Variants in KCNJ6 observed in about 807,000 individuals in gnomAD.
KCNJ6 encodes the protein G protein-activated inward rectifier potassium channel 2.
KCNJ6 carries 9 observed loss-of-function variants against 34.2 expected under a neutral mutation model. The observed-to-expected ratio is 0.26, with a 90% CI of 0.16 to 0.46. The LOEUF is 0.46. Ranked by LOEUF, KCNJ6 falls within the 20% of genes least tolerant of loss-of-function variation. KCNJ6 has a pLI of 1.00. For synonymous variants in KCNJ6, 196 were observed against 207.1 expected (o/e 0.95, Z 0.46); for missense variants, 236 against 531.3 (o/e 0.44, Z 5.46).
At chr21:37,812,834 C>T (rs2055329462) in intron 2 of KCNJ6, among the ~76,000 whole-genome samples, 1 of 152,128 alleles carries the variant, frequency 6.6e-6, no homozygotes, top group Non-Finnish European at 1.5e-5. Flanking sequence ...AACTGAAAGC[C>T]TTTCCTCTAA....
chr21:37,887,014 A>C (rs1253424290), intron 1 of KCNJ6, among the ~76,000 whole-genome samples: 1 of 124,762 alleles, frequency 8.0e-6, no homozygotes, highest in Admixed American at 9.2e-5. Context: ...ATCCACCCCC[A>C]CTCCCAGGAA....
rs2054297826 is a variant in KCNJ6, at chr21:37,623,588, C to G, written c.*1571G>C. ...TTTTTTCATTTTAAAATTCAGATTT[C>G]CAGTACAAATACCCTTCCTTCCTTC... On this transcript the variant is annotated 3_prime_UTR_variant, in exon 4 of 4. Coordinates refer to ENST00000609713, the MANE Select transcript of KCNJ6 (RefSeq NM_002240.5). 6.6e-6 allele frequency: 1 copy of G among 152,238 alleles called. No homozygotes were observed. Among genetic ancestry groups the G allele is most frequent in the African/African-American group, 2.4e-5 (1 of 41,424 alleles). The allele number at this position is 152,238 out of a possible 1,614,324, so 9.4% of individuals were successfully genotyped here. A position where few individuals can be genotyped will look rare whatever the true frequency, so the allele number is the denominator to read the frequency against.
At chr21:37,873,729 T>A (rs1438375906) in intron 1 of KCNJ6, among the ~76,000 whole-genome samples, 2 of 152,114 alleles carry the variant, frequency 1.3e-5, no homozygotes, top group Non-Finnish European at 2.9e-5. Flanking sequence ...CTTCTCCCCA[T>A]CCTCACTCTT....
intron 2 of KCNJ6, among the ~76,000 whole-genome samples, chr21:37,794,272 G>A (rs900420997): frequency 6.6e-6 from 1 of 152,098 alleles, no homozygotes; most frequent in Non-Finnish European, 1.5e-5. Context: ...GGTTAATGGG[G>A]GCCATGTCTC....
intron 2 of KCNJ6, among the ~76,000 whole-genome samples, chr21:37,771,799 C>T (rs1056048697): frequency 1.3e-5 from 2 of 151,976 alleles, no homozygotes; most frequent in Non-Finnish European, 1.5e-5. Flanking sequence ...ATGCTTTTTT[C>T]GGGGGGAAAA....
intron 2 of KCNJ6, among the ~76,000 whole-genome samples, chr21:37,780,652 T>C (rs2055165106): frequency 6.6e-6 from 1 of 152,210 alleles, no homozygotes; most frequent in South Asian, 2.1e-4. Context: ...CCTAAAACTC[T>C]TCTTAAAAAT....
At chr21:37,648,842 G>C (rs1028064511) in intron 3 of KCNJ6, among the ~76,000 whole-genome samples, 1 of 152,004 alleles carries the variant, frequency 6.6e-6, no homozygotes, top group Non-Finnish European at 1.5e-5. Context: ...CTACAGAAAG[G>C]GAGTTTAGGC....
Position 37,615,240 on chromosome 21 carries a change from C to CCTTTTTT in KCNJ6, c.*9918_*9919insAAAAAAG, listed in dbSNP as rs774526741. The CCTTTTTT allele has an allele frequency of 8.9e-5, 8 of 89,606 alleles. No homozygotes were observed. The highest frequency in any genetic ancestry group is 5.0e-4 in the East Asian group (2 of 3,978). 5.6% of individuals were successfully genotyped at this position (89,606 alleles called of 1,614,324 possible). A position where few individuals can be genotyped will look rare whatever the true frequency, so the allele number is the denominator to read the frequency against. ...TCAGACCCTCGACTGACATTCCCAG[C>CCTTTTTT]ATTCTTTTTTTTTTTTTTTTTTTTT... On this transcript the variant is annotated 3_prime_UTR_variant, in exon 4 of 4. Coordinates refer to ENST00000609713, the MANE Select transcript of KCNJ6 (RefSeq NM_002240.5).
intron 2 of KCNJ6, among the ~76,000 whole-genome samples, chr21:37,778,955 G>A (rs1010808212): frequency 6.6e-6 from 1 of 152,072 alleles, no homozygotes; most frequent in African/African-American, 2.4e-5. Flanking sequence ...TGCTCGGAAT[G>A]CACGTGAACG....
intron 3 of KCNJ6, among the ~76,000 whole-genome samples, chr21:37,627,284 A>G (rs193225703): frequency 6.2e-4 from 94 of 152,274 alleles, no homozygotes; most frequent in Middle Eastern, 3.4e-3. Context: ...CCCTTTTTCA[A>G]TGTTTCCCTG....
intron 1 of KCNJ6, among the ~76,000 whole-genome samples, chr21:37,858,358 A>G (rs1231091347): frequency 7.8e-6 from 1 of 128,614 alleles, no homozygotes; most frequent in Non-Finnish European, 1.5e-5. Context: ...TGGCCACTGC[A>G]CTCCAGCCTG....
rs1258495058 is a variant in KCNJ6 at position 37,714,199 on chromosome 21, A to G, written c.946+12T>C. On this transcript the variant is annotated intron_variant, in intron 3 of 3. Coordinates refer to ENST00000609713, the MANE Select transcript of KCNJ6 (RefSeq NM_002240.5). This position sits in a 1 kb window ranked among gnomAD's most constrained non-coding sequence, Gnocchi z 5.9. The stretch of plus-strand genomic sequence containing the variant: ...CTATCCCACAGCCATCCCAGGATAG[A>G]ACACATCTTACCTGTGGCTTCCACC... 2.5e-6 allele frequency: 4 copies of G among 1,598,128 alleles called. No individual in the cohort carries two copies. Among genetic ancestry groups the G allele is most frequent in the Non-Finnish European group, 3.4e-6 (4 of 1,167,384 alleles).
chr21:37,830,189 T>C (rs1041475549), intron 2 of KCNJ6, among the ~76,000 whole-genome samples: 3 of 152,166 alleles, frequency 2.0e-5, no homozygotes, highest in Non-Finnish European at 2.9e-5. Flanking sequence ...GTCTCCACAG[T>C]CAGGTGGCTG....
chr21:37,869,402 C>T (rs2055639153), intron 1 of KCNJ6, among the ~76,000 whole-genome samples: 1 of 152,202 alleles, frequency 6.6e-6, no homozygotes, highest in South Asian at 2.1e-4. Context: ...AGAAACTCAT[C>T]AGGTAAGTTA....
chr21:37,764,193 TAC>T (rs2055079770), intron 2 of KCNJ6, among the ~76,000 whole-genome samples: 1 of 152,082 alleles, frequency 6.6e-6, no homozygotes, highest in Admixed American at 6.5e-5. Flanking sequence ...ATGCAAGAGG[TAC>T]CTAGTCATGG....
intron 2 of KCNJ6, among the ~76,000 whole-genome samples, chr21:37,806,200 A>G (rs1601480641): frequency 6.6e-6 from 1 of 152,224 alleles, no homozygotes; most frequent in Non-Finnish European, 1.5e-5. Context: ...TGAGAACTTC[A>G]GCAAGAGATG....
chr21:37,673,767 C>T (rs755432184), intron 3 of KCNJ6, among the ~76,000 whole-genome samples: 1 of 152,140 alleles, frequency 6.6e-6, no homozygotes, highest in Non-Finnish European at 1.5e-5. Context: ...GAAGTCTTTA[C>T]AAAAGATGTG....
At chr21:37,848,249 G>T (rs2055519913) in intron 1 of KCNJ6, among the ~76,000 whole-genome samples, 1 of 152,220 alleles carries the variant, frequency 6.6e-6, no homozygotes. Flanking sequence ...TCTCCTGTGA[G>T]CCCGGGGACT....
intron 1 of KCNJ6, among the ~76,000 whole-genome samples, chr21:37,888,012 G>A (rs1011036912): frequency 5.9e-5 from 9 of 152,230 alleles, no homozygotes; most frequent in Admixed American, 5.9e-4. Context: ...GCCATAGCTG[G>A]AGCTGTGTAG....
Sources: gnomAD v4.1 joint callset for allele counts (sites outside exome capture counted in the v4.1 genomes callset) on GRCh38, gnomAD v4.1.1 for gene constraint, Gnocchi (gnomAD v3.1) non-coding constraint, MANE v1.5 for transcripts, NCBI Gene and HGNC (gene_info 2026-07-23, HGNC 2026-07-21) for gene names.